EXOC2: variants seen among roughly 807,000 people sequenced by gnomAD.
EXOC2 encodes SEC5-like 1.
A neutral mutation model predicts 131.8 loss-of-function variants in EXOC2; 70 were observed. The ratio of observed to expected loss-of-function variants is 0.53; its 90% confidence interval spans 0.44 to 0.65. The LOEUF is 0.65. EXOC2 is among the 30% of genes least tolerant of loss of function. The pLI is 0.00. For missense variants in EXOC2, 923 were observed against 1,108.6 expected (o/e 0.83, Z 2.38); for synonymous variants, 411 against 398.4 (o/e 1.03, Z -0.38).
intron 13 of EXOC2, 102 bp from the exon 14 acceptor site, chr6:565,031 C>A: frequency 1.1e-6 from 1 of 874,502 alleles, no homozygotes; most frequent in East Asian, 2.9e-5. Context: ...ATGGTTATAA[C>A]TTGATTAAAA....
chr6:687,949 A>G (rs1041160917), intron 1 of EXOC2, among the ~76,000 whole-genome samples: 2 of 152,200 alleles, frequency 1.3e-5, no homozygotes, highest in African/African-American at 4.8e-5. Context: ...AGGCCAACAG[A>G]AGGAAGGCTT....
At chr6:511,779 C>T (rs540409709) in intron 23 of EXOC2, among the ~76,000 whole-genome samples, 1 of 152,344 alleles carries the variant, frequency 6.6e-6, no homozygotes, top group East Asian at 1.9e-4. Flanking sequence ...AGACTTGTTT[C>T]TTTTTCTAAG....
At chr6:587,830 A>T (rs952692472) in intron 11 of EXOC2, among the ~76,000 whole-genome samples, 1 of 152,248 alleles carries the variant, frequency 6.6e-6, no homozygotes, top group African/African-American at 2.4e-5. Context: ...TTTCATATTT[A>T]AAAAATATTC....
At chr6:490,063 A>T (rs572232036) in intron 26 of EXOC2, among the ~76,000 whole-genome samples, 5 of 152,306 alleles carry the variant, frequency 3.3e-5, no homozygotes, top group African/African-American at 1.2e-4. Flanking sequence ...CTTGTTTCTT[A>T]TGAACCTCTT....
chr6:572,122 G>A (rs1199218525), intron 13 of EXOC2, among the ~76,000 whole-genome samples: 2 of 152,194 alleles, frequency 1.3e-5, no homozygotes, highest in Non-Finnish European at 2.9e-5. Context: ...TTTGTTCCGG[G>A]TGCCGGCTGC....
At chr6:501,836 C>T (rs1224739546) in intron 23 of EXOC2, among the ~76,000 whole-genome samples, 1 of 150,714 alleles carries the variant, frequency 6.6e-6, no homozygotes, top group East Asian at 1.9e-4. Context: ...TTAATGGATT[C>T]TTCCTGAGAA....
At chr6:620,510 A>T (rs1449267693) in intron 4 of EXOC2, among the ~76,000 whole-genome samples, 1 of 152,200 alleles carries the variant, frequency 6.6e-6, no homozygotes, top group Non-Finnish European at 1.5e-5. Flanking sequence ...AGCCCAACTC[A>T]TAAGGTATAA....
At chr6:540,591 G>A (rs982556799) in intron 22 of EXOC2, among the ~76,000 whole-genome samples, 3 of 152,082 alleles carry the variant, frequency 2.0e-5, no homozygotes, top group Non-Finnish European at 4.4e-5. Context: ...CAAAAAGAGA[G>A]AGCTGAGGAG....
chr6:512,563 G>A (rs1038812840), intron 23 of EXOC2, among the ~76,000 whole-genome samples: 9 of 152,138 alleles, frequency 5.9e-5, no homozygotes, highest in Non-Finnish European at 1.3e-4. Context: ...GTTAAATTCT[G>A]GGGGTAAACA....
chr6:545,124 G>A lies in EXOC2; in HGVS notation c.2238+4051C>T, dbSNP rs369202557. ...ATTGCGCCACTGCAGTCCGCAGTCC[G>A]GCCTGGGCGACAGAGCGAGACTCCG... On this transcript the variant is annotated intron_variant, in intron 22 of 27. Coordinates refer to ENST00000230449, the MANE Select transcript of EXOC2 (RefSeq NM_018303.6). Among the ~76,000 whole-genome samples, 43 of 133,848 alleles carry A rather than the reference G, an allele frequency of 3.2e-4. 1 individual carries two copies. The highest frequency in any genetic ancestry group is 2.9e-3 in the South Asian group (12 of 4,190). The allele number at this position is 133,848 out of a possible 152,430, so 87.8% of individuals were successfully genotyped here. A position where few individuals can be genotyped will look rare whatever the true frequency, so the allele number is the denominator to read the frequency against.
chr6:561,833 C>T (rs1216931230), intron 17 of EXOC2, among the ~76,000 whole-genome samples: 1 of 152,174 alleles, frequency 6.6e-6, no homozygotes, highest in Non-Finnish European at 1.5e-5. Context: ...CCGCCCACCT[C>T]GGCCTCCAAA....
intron 4 of EXOC2, among the ~76,000 whole-genome samples, chr6:624,481 T>C (rs1396070130): frequency 2.0e-5 from 3 of 152,250 alleles, no homozygotes; most frequent in African/African-American, 7.2e-5. Context: ...ATTTTTATTA[T>C]TTATACTTAT....
At chr6:502,294 T>TG (rs1271975108) in intron 23 of EXOC2, among the ~76,000 whole-genome samples, 2 of 152,210 alleles carry the variant, frequency 1.3e-5, no homozygotes, top group African/African-American at 4.8e-5. Flanking sequence ...TGTCAGGATT[T>TG]GGGGCTCTAA....
intron 1 of EXOC2, among the ~76,000 whole-genome samples, chr6:690,520 G>A (rs971701460): frequency 1.3e-5 from 2 of 151,910 alleles, no homozygotes; most frequent in African/African-American, 4.8e-5. Context: ...GGATCGCGAC[G>A]GTGAAACCCC....
chr6:580,684 C>T (rs1438694325), intron 11 of EXOC2, among the ~76,000 whole-genome samples: 1 of 152,098 alleles, frequency 6.6e-6, no homozygotes, highest in Non-Finnish European at 1.5e-5. Context: ...GGTTCTGTGG[C>T]AGCTCACCGA....
At chr6:687,171 C>CTTTTTTTTTTTTTTTTTTTT (rs762736216) in intron 1 of EXOC2, among the ~76,000 whole-genome samples, 1 of 78,360 alleles carries the variant, frequency 1.3e-5, no homozygotes, top group Non-Finnish European at 2.2e-5. Flanking sequence ...AAATAATATT[C>CTTTTTTTTTTTTTTTTTTTT]TTTTTTTTTT....
chr6:544,735 A>G (rs972637812), intron 22 of EXOC2, among the ~76,000 whole-genome samples: 2 of 152,240 alleles, frequency 1.3e-5, no homozygotes, highest in South Asian at 2.1e-4. Context: ...AGTTAAAGCA[A>G]CGCAAAACTC....
At position 610,716 on chromosome 6, in the gene EXOC2, C is replaced by T. The variant is rs375478609; in HGVS notation, c.662-538G>A. 7.9e-5 allele frequency among the ~76,000 whole-genome samples: 12 copies of T among 152,310 alleles called. No individual in the cohort carries two copies. In the South Asian group the frequency reaches 1.5e-3, roughly 18 times the overall value. On this transcript the variant is annotated intron_variant, in intron 6 of 27. Coordinates refer to ENST00000230449, the MANE Select transcript of EXOC2 (RefSeq NM_018303.6). ...TTGGTCAGAAAATTCTGAGTAAATT[C>T]GGTTCTCAAATGCACTATGAATACA...
In EXOC2 at chr6:592,566, C is replaced by A. The variant is rs62385137; in HGVS notation, c.1095G>T (p.Ala365=). The A allele has an allele frequency of 1.9e-6, 3 of 1,613,830 alleles. No homozygotes were observed. Among genetic ancestry groups the A allele is most frequent in the African/African-American group, 1.3e-5 (1 of 74,870 alleles). The change falls in exon 11 of 28, where the codon GCG becomes GCT. Residue 365 remains alanine (A), a synonymous_variant. Coordinates refer to ENST00000230449, the MANE Select transcript of EXOC2 (RefSeq NM_018303.6). ...RYIRYLSDLH[A]SGDPAWQCIG... is the part of the protein sequence containing the mutation. The stretch of plus-strand genomic sequence containing the variant: ...TGCATTGCCAAGCAGGGTCACCAGA[C>A]GCATGAAGGTCAGACAGGTACCTGA...
Sources: gnomAD v4.1 joint callset for allele counts (sites outside exome capture counted in the v4.1 genomes callset) on GRCh38, gnomAD v4.1.1 for gene constraint, MANE v1.5 for transcripts, NCBI Gene and HGNC (gene_info 2026-07-23, HGNC 2026-07-21) for gene names.